PHKB: variants seen among roughly 807,000 people sequenced by gnomAD.
PHKB encodes the protein phosphorylase b kinase regulatory subunit beta.
A neutral mutation model predicts 152.1 loss-of-function variants in PHKB; 122 were observed. The observed-to-expected ratio is 0.80, with a 90% confidence interval of 0.69 to 0.93. The LOEUF (loss-of-function observed/expected upper bound fraction) is 0.93. Ranked by LOEUF, PHKB falls within the 40% of genes least tolerant of loss-of-function variation. PHKB has a pLI of 0.00. For missense variants in PHKB, 1,304 were observed against 1,328.4 expected, an observed-to-expected ratio of 0.98 and a Z score of 0.29; for synonymous variants, 436 against 464.9, an observed-to-expected ratio of 0.94 and a Z score of 0.80.
rs548277924 is a variant in PHKB at position 47,560,199 on chromosome 16, G to A, written c.710+12651G>A. Among the ~76,000 whole-genome samples, 34 of 152,308 alleles carry A rather than the reference G, an allele frequency of 2.2e-4. No homozygotes were observed. In the Middle Eastern group the frequency reaches 0.014, roughly 61 times the overall value. ...AGTTTTCACCAAAGAGCAGAAGTAA[G>A]AGTGGATTTTAAAGCCGCTCTGGGC... On this transcript the variant is annotated intron_variant, in intron 7 of 30. Transcript: ENST00000323584.
intron 1 of PHKB, among the ~76,000 whole-genome samples, chr16:47,485,962 TAA>T (rs924541913): frequency 7.0e-6 from 1 of 142,488 alleles, no homozygotes. Context: ...GACAAAAGAT[TAA>T]AAAAAAAAAA....
intron 14 of PHKB, among the ~76,000 whole-genome samples, chr16:47,628,483 G>C (rs1487656292): frequency 6.6e-6 from 1 of 152,162 alleles, no homozygotes; most frequent in Non-Finnish European, 1.5e-5. Flanking sequence ...AATGAGCCTA[G>C]ATCGCTCCAC....
chr16:47,664,091 A>G, intron 24 of PHKB: 1 of 248,542 alleles, frequency 4.0e-6, no homozygotes, highest in Non-Finnish European at 7.8e-6. Flanking sequence ...AAAAGAGACC[A>G]GTGATTTATC....
intron 16 of PHKB, among the ~76,000 whole-genome samples, chr16:47,644,679 T>A (rs1973084956): frequency 6.6e-6 from 1 of 152,092 alleles, no homozygotes; most frequent in Non-Finnish European, 1.5e-5. Flanking sequence ...AGATCAAAAA[T>A]TGAAAACTTT....
At chr16:47,650,981 A>G (rs771324885) in intron 20 of PHKB, 60 bp downstream of exon 20, 143 of 1,103,854 alleles carry the variant, frequency 1.3e-4, no homozygotes, top group Non-Finnish European at 1.9e-4. Context: ...CAATACAGCT[A>G]TGTTTCTTAA....
At chr16:47,598,587 G>A (rs1254158599) in intron 13 of PHKB, 28 of 912,618 alleles carry the variant, frequency 3.1e-5, no homozygotes, top group East Asian at 7.3e-5. Context: ...ATATGAACAC[G>A]CCCTCGATAT....
intron 6 of PHKB, among the ~76,000 whole-genome samples, chr16:47,523,348 G>A (rs982161405): frequency 1.3e-5 from 2 of 152,178 alleles, no homozygotes; most frequent in African/African-American, 4.8e-5. Context: ...AAAATTTTCT[G>A]TGAATTATGT....
intron 6 of PHKB, among the ~76,000 whole-genome samples, chr16:47,517,790 C>T (rs1970622657): frequency 6.6e-6 from 1 of 151,844 alleles, no homozygotes; most frequent in African/African-American, 2.4e-5. Flanking sequence ...TTTTTCTTGG[C>T]CTTATGGTTT....
intron 26 of PHKB, among the ~76,000 whole-genome samples, chr16:47,680,626 C>CT (rs1482498076): frequency 2.0e-5 from 3 of 151,782 alleles, no homozygotes; most frequent in African/African-American, 7.3e-5. Flanking sequence ...CCCCTTTGTC[C>CT]TTTTTTATTG....
intron 7 of PHKB, among the ~76,000 whole-genome samples, chr16:47,551,603 T>C (rs1042903397): frequency 1.3e-5 from 2 of 152,206 alleles, no homozygotes; most frequent in Non-Finnish European, 2.9e-5. Flanking sequence ...TGCCATTCTT[T>C]TGCATTTGCT....
chr16:47,494,130 G>A (rs898710053), intron 1 of PHKB, among the ~76,000 whole-genome samples: 5 of 152,198 alleles, frequency 3.3e-5, no homozygotes, highest in African/African-American at 1.2e-4. Context: ...TGGTACCAAG[G>A]TGCTGATTGC....
chr16:47,577,425 C>T (rs1052305156), intron 7 of PHKB, among the ~76,000 whole-genome samples: 11 of 152,146 alleles, frequency 7.2e-5, no homozygotes, highest in African/African-American at 2.6e-4. Flanking sequence ...TGTATTTACC[C>T]ATATTTATGC....
At chr16:47,511,393 T>C (rs1970507321) in intron 4 of PHKB, among the ~76,000 whole-genome samples, 5 of 152,198 alleles carry the variant, frequency 3.3e-5, no homozygotes. Flanking sequence ...TGCAAAACAT[T>C]GCAAAAGCCA....
Position 47,638,603 on chromosome 16 carries a change from G to A in PHKB, c.1459-2432G>A, listed in dbSNP as rs577630878. ...CCTTCAGTCACTTTTTTTAAATGAG[G>A]TAGATCTGCCAAAGAAAGATACCAG... is the stretch of plus-strand genomic sequence containing the variant. On this transcript the variant is annotated intron_variant, in intron 14 of 30. Transcript: ENST00000323584. Among the ~76,000 whole-genome samples the A allele has an allele frequency of 9.2e-5, 14 of 152,258 alleles. No individual in the cohort carries two copies. The South Asian group carries it at 2.9e-3, about 32-fold the overall frequency.
chr16:47,522,168 A>AT (rs1353204714), intron 6 of PHKB, among the ~76,000 whole-genome samples: 2 of 152,108 alleles, frequency 1.3e-5, no homozygotes, highest in Non-Finnish European at 2.9e-5. Flanking sequence ...TGTTTGATAG[A>AT]TTTTATCAGT....
intron 7 of PHKB, among the ~76,000 whole-genome samples, chr16:47,560,880 G>C (rs1971464877): frequency 6.6e-6 from 1 of 152,042 alleles, no homozygotes; most frequent in Non-Finnish European, 1.5e-5. Flanking sequence ...TTATGATAGG[G>C]ATGGAAAGAT....
chr16:47,557,473 C>T (rs1193564646), intron 7 of PHKB, among the ~76,000 whole-genome samples: 4 of 152,140 alleles, frequency 2.6e-5, no homozygotes, highest in African/African-American at 9.6e-5. Context: ...AAAATTTTCG[C>T]AACCTACTCA....
At chr16:47,561,712 TCTC>T (rs896221062) in intron 7 of PHKB, 2 of 152,188 alleles carry the variant, frequency 1.3e-5, no homozygotes, top group Non-Finnish European at 2.9e-5. Flanking sequence ...GCAATTATTT[TCTC>T]CTCTTCATTC....
intron 14 of PHKB, among the ~76,000 whole-genome samples, chr16:47,625,113 TCTTCA>T (rs748922191): frequency 1.3e-5 from 2 of 152,194 alleles, no homozygotes; most frequent in Non-Finnish European, 2.9e-5. Context: ...TCTTCCCGCC[TCTTCA>T]CTTCACTATA....
Sources: allele counts gnomAD v4.1 joint callset (sites outside exome capture counted in the v4.1 genomes callset), GRCh38; gene constraint gnomAD v4.1.1; transcripts MANE v1.5; gene names NCBI Gene and HGNC (gene_info 2026-07-23, HGNC 2026-07-21).